NEGR1: variants seen among roughly 807,000 people sequenced by gnomAD.
The protein encoded by NEGR1 is neuronal growth regulator 1, also known as IgLON family member 4.
A neutral mutation model predicts 40.9 loss-of-function variants in NEGR1; 10 were observed. The observed-to-expected ratio is 0.24, with a 90% CI of 0.15 to 0.42. NEGR1 has a LOEUF of 0.42. Ranked by LOEUF, NEGR1 falls within the 10% of genes least tolerant of loss-of-function variation. The pLI, the probability that NEGR1 is intolerant of heterozygous loss-of-function variation, is 1.00. For missense variants in NEGR1, 352 were observed against 438.9 expected, an observed-to-expected ratio of 0.80 and a Z score of 1.77; for synonymous variants, 185 against 166.8, an observed-to-expected ratio of 1.11 and a Z score of -0.84.
At chr1:71,955,527 G>A (rs922701321) in intron 1 of NEGR1, among the ~76,000 whole-genome samples, 7 of 152,058 alleles carry the variant, frequency 4.6e-5, no homozygotes, top group African/African-American at 1.7e-4. Flanking sequence ...ATAGTGCAGT[G>A]CATCTTTTCT....
At chr1:72,113,951 T>A (rs958146223) in intron 1 of NEGR1, among the ~76,000 whole-genome samples, 4 of 151,734 alleles carry the variant, frequency 2.6e-5, no homozygotes, top group South Asian at 2.1e-4. Flanking sequence ...TGAAACCACA[T>A]CCTCTACTTT....
intron 1 of NEGR1, among the ~76,000 whole-genome samples, chr1:72,146,335 T>G (rs576903401): frequency 1.3e-5 from 2 of 152,324 alleles, no homozygotes; most frequent in Non-Finnish European, 2.9e-5. Flanking sequence ...TGCTGCTCCA[T>G]TACCCTGAAC....
intron 2 of NEGR1, among the ~76,000 whole-genome samples, chr1:71,805,687 C>A (rs1657743622): frequency 6.6e-6 from 1 of 152,142 alleles, no homozygotes; most frequent in African/African-American, 2.4e-5. Flanking sequence ...TTTACAATTT[C>A]TCTTATTTCT....
chr1:71,994,114 A>G (rs1488552903), intron 1 of NEGR1, among the ~76,000 whole-genome samples: 1 of 152,192 alleles, frequency 6.6e-6, no homozygotes, highest in Non-Finnish European at 1.5e-5. Context: ...CTTTTAGATT[A>G]CTTCCCAAAT....
intron 4 of NEGR1, among the ~76,000 whole-genome samples, chr1:71,690,762 T>C (rs1480577646): frequency 2.0e-5 from 3 of 151,722 alleles, no homozygotes; most frequent in Non-Finnish European, 4.4e-5. Context: ...TATTTTACCC[T>C]GTTAGAAATT....
At chr1:71,823,843 T>C (rs1658521737) in intron 2 of NEGR1, among the ~76,000 whole-genome samples, 1 of 152,076 alleles carries the variant, frequency 6.6e-6, no homozygotes, top group Non-Finnish European at 1.5e-5. Context: ...TATTTTGCCA[T>C]CTGGGTCAAA....
intron 1 of NEGR1, among the ~76,000 whole-genome samples, chr1:72,128,698 C>A (rs956862982): frequency 3.9e-5 from 6 of 152,002 alleles, no homozygotes; most frequent in African/African-American, 1.2e-4. Flanking sequence ...AACGTGTCAA[C>A]TTCACCGAAC....
At chr1:72,092,305 C>A (rs1472681350) in intron 1 of NEGR1, among the ~76,000 whole-genome samples, 1 of 152,100 alleles carries the variant, frequency 6.6e-6, no homozygotes, top group Non-Finnish European at 1.5e-5. Flanking sequence ...TAGCAACTTT[C>A]AGTCTAGTCA....
At chr1:71,679,040 G>A (rs140564536) in intron 4 of NEGR1, among the ~76,000 whole-genome samples, 6 of 152,290 alleles carry the variant, frequency 3.9e-5, no homozygotes, top group South Asian at 2.1e-4. Context: ...TGGAAGTGAC[G>A]TGGAGGAATT....
At chr1:72,031,667 C>T (rs546000018) in intron 1 of NEGR1, among the ~76,000 whole-genome samples, 2 of 152,168 alleles carry the variant, frequency 1.3e-5, no homozygotes, top group South Asian at 4.1e-4. Context: ...CTTTTATTTA[C>T]TGGTGAGAAT....
At chr1:71,808,443 C>T (rs2101758317) in intron 2 of NEGR1, among the ~76,000 whole-genome samples, 1 of 152,120 alleles carries the variant, frequency 6.6e-6, no homozygotes. Context: ...AGTTATTATG[C>T]CAGGTAAATA....
intron 3 of NEGR1, among the ~76,000 whole-genome samples, chr1:71,737,388 T>C (rs1655073189): frequency 6.6e-6 from 1 of 151,804 alleles, no homozygotes; most frequent in South Asian, 2.1e-4. Context: ...TAATGTTGAC[T>C]GAAAGTCTAG....
chr1:71,576,294 G>A (rs1211534760), intron 6 of NEGR1, among the ~76,000 whole-genome samples: 2 of 152,136 alleles, frequency 1.3e-5, no homozygotes, highest in East Asian at 3.9e-4. Flanking sequence ...CTCAGAATGA[G>A]AGTCCTATTG....
intron 2 of NEGR1, among the ~76,000 whole-genome samples, chr1:71,812,546 C>A (rs1265257880): frequency 6.6e-6 from 1 of 152,128 alleles, no homozygotes; most frequent in Non-Finnish European, 1.5e-5. Context: ...TCTCCACAGC[C>A]TTGCCAATAG....
chr1:71,833,107 A>G (rs1658895242), intron 2 of NEGR1, among the ~76,000 whole-genome samples: 1 of 152,088 alleles, frequency 6.6e-6, no homozygotes, highest in South Asian at 2.1e-4. Flanking sequence ...CAATAAGGAA[A>G]AATTACGTTT....
At chr1:71,898,520 C>T (rs1661034663) in intron 2 of NEGR1, among the ~76,000 whole-genome samples, 1 of 152,104 alleles carries the variant, frequency 6.6e-6, no homozygotes, top group Non-Finnish European at 1.5e-5. Flanking sequence ...GAGGCTGAGG[C>T]AGGAGAATGG....
intron 6 of NEGR1, among the ~76,000 whole-genome samples, chr1:71,510,340 A>C (rs915619662): frequency 6.6e-6 from 1 of 152,246 alleles, no homozygotes; most frequent in Non-Finnish European, 1.5e-5. Flanking sequence ...CAACTTCTAG[A>C]GTGATTCAAG....
chr1:72,031,208 A>C (rs1646855558), intron 1 of NEGR1, among the ~76,000 whole-genome samples: 1 of 152,200 alleles, frequency 6.6e-6, no homozygotes, highest in African/African-American at 2.4e-5. Flanking sequence ...AAGGCTCACC[A>C]TAAGAGACAC....
At chr1:72,152,874 C>T (rs566940887) in intron 1 of NEGR1, among the ~76,000 whole-genome samples, 31 of 151,922 alleles carry the variant, frequency 2.0e-4, no homozygotes, top group African/African-American at 7.0e-4. Flanking sequence ...AGTAAATTAA[C>T]GCAGGGACAG....
Sources: gnomAD v4.1 joint callset for allele counts (sites outside exome capture counted in the v4.1 genomes callset) on GRCh38, gnomAD v4.1.1 for gene constraint, MANE v1.5 for transcripts, NCBI Gene and HGNC (gene_info 2026-07-23, HGNC 2026-07-21) for gene names.